LIPI: variants seen among roughly 807,000 people sequenced by gnomAD.
LIPI encodes lipase I.
Under a neutral mutation model 50.6 loss-of-function variants are expected in LIPI, and 59 were observed. The observed-to-expected ratio is 1.16, with a 90% CI of 0.94 to 1.45. The LOEUF (loss-of-function observed/expected upper bound fraction) is 1.45. Among genes scored for constraint, LIPI ranks in the 40% most tolerant of loss-of-function variants. The pLI is 0.00. For missense variants in LIPI, 586 were observed against 536.3 expected (o/e 1.09, Z -0.92); for synonymous variants, 203 against 178.2 (o/e 1.14, Z -1.11).
intron 3 of LIPI, among the ~76,000 whole-genome samples, chr21:14,183,697 C>T (rs893535772): frequency 8.6e-5 from 13 of 152,002 alleles, no homozygotes; most frequent in Middle Eastern, 3.2e-3. Flanking sequence ...AAAGAAGACA[C>T]CTATGCAGCC....
At chr21:14,127,564 C>A (rs555486548) in intron 9 of LIPI, among the ~76,000 whole-genome samples, 2 of 152,290 alleles carry the variant, frequency 1.3e-5, no homozygotes, top group East Asian at 3.9e-4. Context: ...TGCTCTGTTG[C>A]ATATCCTAAT....
At chr21:14,148,012 ATTGATATT>A (rs1487775945) in intron 8 of LIPI, among the ~76,000 whole-genome samples, 2 of 152,126 alleles carry the variant, frequency 1.3e-5, no homozygotes, top group African/African-American at 2.4e-5. Flanking sequence ...AATATCCAAT[ATTGATATT>A]TCCCATTTAA....
intron 3 of LIPI, among the ~76,000 whole-genome samples, chr21:14,183,871 G>GT (rs1458426229): frequency 2.6e-5 from 4 of 152,224 alleles, no homozygotes; most frequent in African/African-American, 9.7e-5. Flanking sequence ...CTTTTACACT[G>GT]TTGGTGGGAC....
At chr21:14,137,256 A>G (rs376259800) in intron 9 of LIPI, among the ~76,000 whole-genome samples, 3 of 152,332 alleles carry the variant, frequency 2.0e-5, no homozygotes, top group East Asian at 3.9e-4. Flanking sequence ...CCAGTAAACA[A>G]TCCTGGAGAA....
intron 9 of LIPI, among the ~76,000 whole-genome samples, chr21:14,140,234 A>C (rs2017655440): frequency 6.6e-6 from 1 of 152,158 alleles, no homozygotes. Context: ...AGAATTCTGG[A>C]TATTTTCAGA....
chr21:14,172,619 A>G (rs1019643511), intron 4 of LIPI, among the ~76,000 whole-genome samples: 20 of 152,180 alleles, frequency 1.3e-4, no homozygotes, highest in African/African-American at 4.8e-4. Flanking sequence ...CGCAAGAACA[A>G]AAAACCAAAC....
rs940297611 is a variant in LIPI at position 14,210,667 on chromosome 21, T to A, written c.46+133A>T. On this transcript the variant is annotated intron_variant, in intron 1 of 9. Transcript: ENST00000681601. ...CAGAAGTTTTCTTAATAGTAATGTTTGTTATAATTAGTACCAATAATCTAA... is the reference window on the plus strand; with the variant it reads ...CAGAAGTTTTCTTAATAGTAATGTTAGTTATAATTAGTACCAATAATCTAA... 17 of 229,436 alleles carry A rather than the reference T, an allele frequency of 7.4e-5. No homozygotes were observed. The Admixed American group carries it at 9.3e-4, about 13-fold the overall frequency. The allele number at this position is 229,436 out of a possible 1,614,324, so 14.2% of individuals were successfully genotyped here.
At chr21:14,188,955 G>C in intron 2 of LIPI, 79 bp downstream of exon 2, 1 of 1,176,378 alleles carries the variant, frequency 8.5e-7, no homozygotes, top group Non-Finnish European at 1.3e-6. Flanking sequence ...TTGTGGTATT[G>C]AATGTAACAC....
At chr21:14,148,024 C>A (rs995396185) in intron 8 of LIPI, among the ~76,000 whole-genome samples, 15 of 152,048 alleles carry the variant, frequency 9.9e-5, no homozygotes, top group African/African-American at 3.6e-4. Context: ...TGATATTTCC[C>A]ATTTAACATC....
intron 9 of LIPI, among the ~76,000 whole-genome samples, chr21:14,132,366 T>A (rs568756128): frequency 6.6e-6 from 1 of 152,274 alleles, no homozygotes; most frequent in East Asian, 1.9e-4. Context: ...AACAGACTTT[T>A]TAGCAGAAAC....
chr21:14,133,582 T>A (rs2017377523), intron 9 of LIPI, among the ~76,000 whole-genome samples: 1 of 152,156 alleles, frequency 6.6e-6, no homozygotes, highest in Non-Finnish European at 1.5e-5. Context: ...GGAAGTTCAC[T>A]TTCACCACTC....
intron 6 of LIPI, 39 bp downstream of exon 6, chr21:14,165,184 T>G (rs926892428): frequency 1.4e-6 from 2 of 1,446,916 alleles, no homozygotes; most frequent in Admixed American, 1.7e-5. Context: ...GTTATTCATA[T>G]TAAATAAGAA....
intron 9 of LIPI, among the ~76,000 whole-genome samples, chr21:14,135,312 A>G (rs1458114497): frequency 6.6e-6 from 1 of 152,204 alleles, no homozygotes; most frequent in Non-Finnish European, 1.5e-5. Context: ...GTTAACAAGT[A>G]TCTACACGGA....
chr21:14,127,172 G>A (rs2017099042), intron 9 of LIPI, among the ~76,000 whole-genome samples: 2 of 152,112 alleles, frequency 1.3e-5, no homozygotes, highest in African/African-American at 4.8e-5. Context: ...ATAATTACTT[G>A]TTGACTGCAT....
intron 9 of LIPI, among the ~76,000 whole-genome samples, chr21:14,140,369 C>A (rs945088428): frequency 6.6e-6 from 1 of 151,928 alleles, no homozygotes; most frequent in Admixed American, 6.6e-5. Flanking sequence ...TCAACTAGAA[C>A]GTATTTTAAA....
At chr21:14,166,187 C>A (rs2018676352) in intron 5 of LIPI, among the ~76,000 whole-genome samples, 175 bp downstream of exon 5, 1 of 152,032 alleles carries the variant, frequency 6.6e-6, no homozygotes, top group Non-Finnish European at 1.5e-5. Flanking sequence ...CTACTGGTAA[C>A]CTTTATGAAC....
At chr21:14,191,074 C>A (rs144941797) in intron 1 of LIPI, among the ~76,000 whole-genome samples, 9 of 151,886 alleles carry the variant, frequency 5.9e-5, no homozygotes, top group African/African-American at 1.9e-4. Context: ...AAAACTGGAG[C>A]AGGAGTAAAA....
At chr21:14,113,143 T>C (rs1436111433) in intron 9 of LIPI, among the ~76,000 whole-genome samples, 1 of 152,228 alleles carries the variant, frequency 6.6e-6, no homozygotes, top group African/African-American at 2.4e-5. Flanking sequence ...TTTGTAGGAA[T>C]ACAAAAATAT....
intron 1 of LIPI, among the ~76,000 whole-genome samples, chr21:14,192,481 A>AAAC (rs769177931): frequency 1.3e-5 from 2 of 152,180 alleles, no homozygotes; most frequent in East Asian, 1.9e-4. Flanking sequence ...ACAAAGAAAC[A>AAAC]AACAACAACA....
Sources: gnomAD v4.1 joint callset for allele counts (sites outside exome capture counted in the v4.1 genomes callset) on GRCh38, gnomAD v4.1.1 for gene constraint, MANE v1.5 for transcripts, NCBI Gene and HGNC (gene_info 2026-07-23, HGNC 2026-07-21) for gene names.